The following NLRC5 variants were observed in gnomAD, a reference collection of about 807,000 sequenced individuals.
NLRC5 encodes NLR family CARD domain containing 5.
In NLRC5, 114 loss-of-function variants were observed where a neutral mutation model predicts 206.9. The ratio of observed to expected loss-of-function variants is 0.55; its 90% CI spans 0.47 to 0.64. NLRC5 has a LOEUF of 0.64. Among genes scored for constraint, NLRC5 ranks in the 30% least tolerant of loss-of-function variants. The probability of loss-of-function intolerance (pLI) is 0.00; values close to 1 mark genes in which losing one functional copy is unlikely to be tolerated. For synonymous variants in NLRC5, 952 were observed against 962.8 expected (o/e 0.99, Z 0.21); for missense variants, 2,008 against 2,305.5 (o/e 0.87, Z 2.64).
At chr16:57,049,733 CAAAT>C (rs141407636) in intron 23 of NLRC5, among the ~76,000 whole-genome samples, 17,046 of 145,168 alleles carry the variant, frequency 0.12, 1,114 homozygotes, top group Non-Finnish European at 0.15. Flanking sequence ...GACTCTGTCT[CAAAT>C]AAATAAATAA....
chr16:57,011,460 G>A lies in NLRC5; in HGVS notation c.-127-5614G>A, dbSNP rs560288487. ...TTTAGACTCAGGTGCAGAGGCTCAC[G>A]CCTGTAATCCCAGCACTTACGGAGG... On this transcript the variant is annotated intron_variant, in intron 1 of 48. Coordinates refer to ENST00000688547, the MANE Select transcript of NLRC5 (RefSeq NM_001384950.1). 1.3e-4 allele frequency among the ~76,000 whole-genome samples: 19 copies of A among 151,890 alleles called. No individual in the cohort carries two copies. The East Asian group carries it at 2.7e-3, about 22-fold the overall frequency.
rs146945239 is a variant in NLRC5, at chr16:57,037,246, C to T, written c.2763C>T (p.Ala921=). 10 of 1,613,634 alleles carry T rather than the reference C, an allele frequency of 6.2e-6. No individual in the cohort carries two copies. Among genetic ancestry groups the T allele is most frequent in the African/African-American group, 4.0e-5 (3 of 74,874 alleles). ...CCGGGGTGCATTGTGTGCTGAGGGC[C>T]GTGAGTGCGTGCTGGACCCTGGCAG... ...SVAGVHCVLR[A]VSACWTLAEL... is the part of the protein sequence containing the mutation. Residue 921 remains alanine, a synonymous_variant, in exon 15 of 49, where the codon GCC becomes GCT. Coordinates refer to ENST00000688547, the MANE Select transcript of NLRC5 (RefSeq NM_001384950.1).
chr16:57,020,689 C>G lies in NLRC5; in HGVS notation c.-12-12C>G. 6.2e-7 allele frequency: 1 copy of G among 1,601,800 alleles called. No individual in the cohort carries two copies. Among genetic ancestry groups the G allele is most frequent in the South Asian group, 1.1e-5 (1 of 90,326 alleles). ...GTCCCCCTCAACTCACCTATCTTCC[C>G]TGTCCCTCCAGGGCTGGCTCCTCAT... On this transcript the variant is annotated splice_polypyrimidine_tract_variant and intron_variant, in intron 2 of 48. Coordinates refer to ENST00000688547, the MANE Select transcript of NLRC5 (RefSeq NM_001384950.1).
intron 24 of NLRC5, 124 bp downstream of exon 24, chr16:57,051,745 C>G (rs2064941871): frequency 1.5e-6 from 1 of 678,322 alleles, no homozygotes. Flanking sequence ...CCAACCCCCT[C>G]TACCCGCTCC....
chr16:57,042,003 G>A lies in NLRC5; in HGVS notation c.3051G>A (p.Gly1017=), dbSNP rs747590916. The A allele has an allele frequency of 3.2e-6, 5 of 1,580,578 alleles. No homozygotes were observed. The South Asian group carries it at 3.5e-5, about 11-fold the overall frequency. The change falls in exon 19 of 49, where the codon GGG becomes GGA. Residue 1017 remains glycine (G), a synonymous_variant. Transcript: ENST00000688547. ...CCAGCTTCTCAGGCAATGCTCTGGG[G>A]GATGAAGGTGCAGCCCGGCTGGCTC... ...LHLDFSGNAL[G]DEGAARLAQL... is the part of the protein sequence containing the mutation.
chr16:57,028,053 T>C lies in NLRC5; in HGVS notation c.2076-19T>C, dbSNP rs777098123. 1.9e-6 allele frequency: 3 copies of C among 1,601,872 alleles called. No homozygotes were observed. The South Asian group carries it at 3.3e-5, about 18-fold the overall frequency. ...TGCCCAGCACTGATCCTCTGACACT[T>C]CGCTTCTTCTTATGGCAGCTTTAAG... On this transcript the variant is annotated intron_variant, in intron 6 of 48. Transcript: ENST00000688547.
intron 43 of NLRC5, among the ~76,000 whole-genome samples, chr16:57,078,785 T>G (rs1438842766): frequency 6.6e-6 from 1 of 152,166 alleles, no homozygotes; most frequent in African/African-American, 2.4e-5. Context: ...CTGGGACTTT[T>G]ATGTGCTCCC....
chr16:57,021,737 G>T (rs755239599), intron 3 of NLRC5, among the ~76,000 whole-genome samples: 1 of 152,118 alleles, frequency 6.6e-6, no homozygotes, highest in Non-Finnish European at 1.5e-5. Flanking sequence ...AGCGCCTTCT[G>T]CCCTCTACTG....
chr16:57,070,495 C>T lies in NLRC5; in HGVS notation c.4584-40C>T, dbSNP rs775906497. 18 of 1,570,196 alleles carry T rather than the reference C, an allele frequency of 1.1e-5. No homozygotes were observed. The South Asian group carries it at 1.4e-4, about 13-fold the overall frequency. ...AGGACAGCTCAGCTCCAGGGCTGGG[C>T]AGGCTGCGCTAACCCTTGCCTCTGC... is the stretch of plus-strand genomic sequence containing the variant. On this transcript the variant is annotated intron_variant, in intron 37 of 48. Transcript: ENST00000688547.
chr16:57,065,165 T>C, intron 32 of NLRC5, 47 bp from the exon 33 acceptor site: 2 of 1,345,656 alleles, frequency 1.5e-6, no homozygotes, highest in Non-Finnish European at 2.0e-6. Flanking sequence ...GCTGATTGTC[T>C]GCTGCTCACC....
chr16:57,037,307 G>A (rs1413612449), intron 15 of NLRC5, 23 bp downstream of exon 15: 4 of 1,590,716 alleles, frequency 2.5e-6, no homozygotes, highest in South Asian at 1.1e-5. Context: ...TCAGACCACG[G>A]TACCCATCCC....
intron 28 of NLRC5, 121 bp from the exon 29 acceptor site, chr16:57,058,851 T>G: frequency 1.2e-6 from 1 of 836,438 alleles, no homozygotes; most frequent in Non-Finnish European, 2.0e-6. Context: ...GGAGAATAGA[T>G]GCTTAGACAT....
intron 1 of NLRC5, among the ~76,000 whole-genome samples, chr16:56,994,196 G>T (rs772960617): frequency 1.3e-5 from 2 of 152,026 alleles, no homozygotes; most frequent in African/African-American, 4.8e-5. Context: ...GAAAGAAAAG[G>T]GGGTGGAGGG....
intron 1 of NLRC5, among the ~76,000 whole-genome samples, chr16:56,996,557 A>G (rs1392421560): frequency 2.6e-5 from 4 of 152,168 alleles, no homozygotes; most frequent in African/African-American, 7.2e-5. Flanking sequence ...TAAAAGTGAC[A>G]TGGTTTCTAG....
At chr16:57,039,674 A>G in intron 15 of NLRC5, 107 bp from the exon 16 acceptor site, 1 of 957,390 alleles carries the variant, frequency 1.0e-6, no homozygotes, top group Non-Finnish European at 1.6e-6. Context: ...CCATGATTGC[A>G]CCACTGCACA....
chr16:57,041,646 T>A (rs970991735), intron 18 of NLRC5, 72 bp downstream of exon 18: 1 of 1,314,664 alleles, frequency 7.6e-7, no homozygotes, highest in African/African-American at 1.5e-5. Context: ...TGTTTGGGTT[T>A]GGTTTTTAAG....
At chr16:57,028,632 C>T (rs1159187487) in intron 8 of NLRC5, among the ~76,000 whole-genome samples, 1 of 152,210 alleles carries the variant, frequency 6.6e-6, no homozygotes, top group Non-Finnish European at 1.5e-5. Context: ...AGTGTTAAGG[C>T]TCCCTCCCTC....
At chr16:57,062,214 C>A in intron 32 of NLRC5, 1 of 461,794 alleles carries the variant, frequency 2.2e-6, no homozygotes. Context: ...CTAAATATTT[C>A]ACCGTGAAGC....
At position 57,029,905 on chromosome 16, in the gene NLRC5, G is replaced by C. The variant is rs2061616042; in HGVS notation, c.2327+49G>C. 2.5e-6 allele frequency: 4 copies of C among 1,607,990 alleles called. No homozygotes were observed. In the South Asian group the frequency reaches 4.4e-5, roughly 18 times the overall value. On this transcript the variant is annotated intron_variant, in intron 9 of 48. Transcript: ENST00000688547. The stretch of plus-strand genomic sequence containing the variant: ...TGCAGCCCAGTCCCTCTCTATACCT[G>C]ATTCACCCCACTCCCTTGCAAGGCA...
Sources: allele counts gnomAD v4.1 joint callset (sites outside exome capture counted in the v4.1 genomes callset), GRCh38; gene constraint gnomAD v4.1.1; transcripts MANE v1.5; gene names NCBI Gene and HGNC (gene_info 2026-07-23, HGNC 2026-07-21).